CCDC73: variants seen among roughly 807,000 people sequenced by gnomAD.
CCDC73 encodes the protein coiled-coil domain-containing protein 73.
A neutral mutation model predicts 116.5 loss-of-function variants in CCDC73; 95 were observed. That is an observed-to-expected ratio of 0.82 (90% confidence interval 0.69 to 0.97). CCDC73 has a LOEUF of 0.97. Among genes scored for constraint, CCDC73 ranks in the 50% least tolerant of loss-of-function variants. The pLI is 0.00. For synonymous variants in CCDC73, 398 were observed against 401.3 expected (o/e 0.99, Z 0.10); for missense variants, 1,066 against 1,206.8 (o/e 0.88, Z 1.73).
rs187037485 is a variant in CCDC73 at position 32,758,533 on chromosome 11, G to A, written c.135+1576C>T. On this transcript the variant is annotated intron_variant, in intron 2 of 17. Coordinates refer to ENST00000335185, the MANE Select transcript of CCDC73 (RefSeq NM_001008391.4). ...TGTATGCTAATTGTGTCCATGACAG[G>A]ATCAAACATGCTTTCTTCATCAAGG... 11 of 454,330 alleles carry A rather than the reference G, an allele frequency of 2.4e-5. No homozygotes were observed. In the East Asian group the frequency reaches 5.7e-4, roughly 24 times the overall value. The allele number at this position is 454,330 out of a possible 1,614,324, so 28.1% of individuals were successfully genotyped here. A position where few individuals can be genotyped will look rare whatever the true frequency, so the allele number is the denominator to read the frequency against.
chr11:32,725,997 T>C (rs1302650801), intron 2 of CCDC73, among the ~76,000 whole-genome samples: 3 of 152,184 alleles, frequency 2.0e-5, no homozygotes, highest in South Asian at 2.1e-4. Context: ...AATAAATTAC[T>C]CCTCACAAAG....
intron 1 of CCDC73, among the ~76,000 whole-genome samples, chr11:32,772,382 CA>C (rs921000438): frequency 6.6e-6 from 1 of 151,266 alleles, no homozygotes; most frequent in African/African-American, 2.4e-5. Flanking sequence ...TAAAGGACAA[CA>C]AAAAAAAATG....
At chr11:32,780,434 T>C (rs1320547167) in intron 1 of CCDC73, among the ~76,000 whole-genome samples, 1 of 152,092 alleles carries the variant, frequency 6.6e-6, no homozygotes, top group Non-Finnish European at 1.5e-5. Flanking sequence ...AGCAATCCTT[T>C]CAAAAAACAA....
the CCDC73 span, among the ~76,000 whole-genome samples, chr11:32,815,159 T>C: frequency 6.6e-6 from 1 of 152,196 alleles, no homozygotes; most frequent in Admixed American, 6.5e-5. Context: ...GAATTGTACA[T>C]GTAAAAAGAT....
At chr11:32,697,680 C>T (rs1849766237) in intron 6 of CCDC73, among the ~76,000 whole-genome samples, 1 of 151,772 alleles carries the variant, frequency 6.6e-6, no homozygotes, top group African/African-American at 2.4e-5. Context: ...GACGGGGTTT[C>T]ACCATGTTGG....
chr11:32,701,545 T>C (rs888707684), intron 4 of CCDC73, among the ~76,000 whole-genome samples: 2 of 151,996 alleles, frequency 1.3e-5, no homozygotes, highest in Admixed American at 6.5e-5. Context: ...CAAAAAACTT[T>C]TAAAAAAAAA....
At chr11:32,749,650 C>A (rs1033866061) in intron 2 of CCDC73, among the ~76,000 whole-genome samples, 4 of 151,942 alleles carry the variant, frequency 2.6e-5, no homozygotes, top group Non-Finnish European at 4.4e-5. Context: ...CCTTTTTGTA[C>A]CCATCCTTCT....
intron 2 of CCDC73, among the ~76,000 whole-genome samples, chr11:32,745,826 C>A (rs1174984289): frequency 2.0e-5 from 3 of 150,060 alleles, no homozygotes; most frequent in South Asian, 2.1e-4. Context: ...TGTCTCTGCA[C>A]GTGAGGTGGG....
Position 32,611,127 on chromosome 11 carries a change from C to T in CCDC73, c.3030+5G>A. 1.2e-6 allele frequency: 2 copies of T among 1,613,506 alleles called. No homozygotes were observed. Among genetic ancestry groups the T allele is most frequent in the South Asian group, 1.1e-5 (1 of 91,012 alleles). On this transcript the variant is annotated splice_donor_5th_base_variant and intron_variant, in intron 17 of 17. Coordinates refer to ENST00000335185, the MANE Select transcript of CCDC73 (RefSeq NM_001008391.4). The stretch of plus-strand genomic sequence containing the variant: ...TCTGCTCGGCAATATTTTTAATTGA[C>T]TTACATGTTCTGTGGGAAAAGAGGA...
At chr11:32,639,002 G>T (rs962181038) in intron 13 of CCDC73, among the ~76,000 whole-genome samples, 2 of 151,578 alleles carry the variant, frequency 1.3e-5, no homozygotes, top group East Asian at 4.0e-4. Context: ...CAAAAAGTTA[G>T]CCGGGCATGG....
intron 2 of CCDC73, among the ~76,000 whole-genome samples, chr11:32,748,784 T>C (rs558878621): frequency 6.6e-6 from 1 of 152,294 alleles, no homozygotes; most frequent in Admixed American, 6.5e-5. Flanking sequence ...TGGGTAAGTC[T>C]TTATTTCTCC....
intron 2 of CCDC73, among the ~76,000 whole-genome samples, chr11:32,723,677 A>G (rs1850009150): frequency 6.6e-6 from 1 of 152,188 alleles, no homozygotes; most frequent in Admixed American, 6.5e-5. Flanking sequence ...GACACTTTCT[A>G]AAGGTTATAA....
intron 2 of CCDC73, among the ~76,000 whole-genome samples, chr11:32,748,347 A>G (rs1850258766): frequency 6.6e-6 from 1 of 152,104 alleles, no homozygotes; most frequent in Admixed American, 6.5e-5. Flanking sequence ...TACTATCTTT[A>G]ACCCATTATT....
chr11:32,716,700 T>A (rs549489252), intron 3 of CCDC73, among the ~76,000 whole-genome samples: 2 of 152,296 alleles, frequency 1.3e-5, no homozygotes, highest in South Asian at 4.1e-4. Context: ...GAGCTAGGAC[T>A]ACAGGCACAC....
intron 1 of CCDC73, among the ~76,000 whole-genome samples, chr11:32,792,982 A>G (rs1590650929): frequency 6.6e-6 from 1 of 152,106 alleles, no homozygotes; most frequent in South Asian, 2.1e-4. Flanking sequence ...TTACTATTAG[A>G]ATAACACTAT....
At chr11:32,765,607 T>C (rs1410327906) in intron 1 of CCDC73, among the ~76,000 whole-genome samples, 1 of 152,176 alleles carries the variant, frequency 6.6e-6, no homozygotes, top group African/African-American at 2.4e-5. Flanking sequence ...GGGACACATT[T>C]AAAGCAGTGT....
chr11:32,690,659 T>C (rs1451184383), intron 6 of CCDC73, among the ~76,000 whole-genome samples: 2 of 152,154 alleles, frequency 1.3e-5, no homozygotes, highest in Non-Finnish European at 2.9e-5. Flanking sequence ...TGCTCTGCCA[T>C]GGTAAGACAT....
intron 1 of CCDC73, among the ~76,000 whole-genome samples, chr11:32,776,927 A>T (rs1850536840): frequency 6.4e-5 from 1 of 15,634 alleles, no homozygotes. Flanking sequence ...AGTATGGTTA[A>T]AAAAAAAAAA....
chr11:32,669,625 C>T (rs988195135), intron 9 of CCDC73, among the ~76,000 whole-genome samples: 4 of 151,772 alleles, frequency 2.6e-5, no homozygotes, highest in African/African-American at 9.7e-5. Context: ...CTACATTTCC[C>T]AGGCTCTGGT....
Sources: allele counts gnomAD v4.1 joint callset (sites outside exome capture counted in the v4.1 genomes callset), GRCh38; gene constraint gnomAD v4.1.1; transcripts MANE v1.5; gene names NCBI Gene and HGNC (gene_info 2026-07-23, HGNC 2026-07-21).